Variants in TG observed in about 807,000 individuals in gnomAD.
TG encodes the protein thyroglobulin.
TG carries 270 observed loss-of-function variants against 324.7 expected under a neutral mutation model. The observed-to-expected ratio is 0.83, with a 90% CI of 0.75 to 0.92. The LOEUF (loss-of-function observed/expected upper bound fraction) is 0.92, where lower values mean the gene tolerates loss of function less well. TG is among the 40% of genes least tolerant of loss of function. The pLI, the probability that TG is intolerant of heterozygous loss-of-function variation, is 0.00. For missense variants in TG, 3,591 were observed against 3,456.4 expected (o/e 1.04, Z -0.98); for synonymous variants, 1,401 against 1,327.0 (o/e 1.06, Z -1.21).
intron 34 of TG, among the ~76,000 whole-genome samples, chr8:132,982,749 C>T (rs527541929): frequency 1.8e-4 from 27 of 152,296 alleles, no homozygotes; most frequent in African/African-American, 6.5e-4. Flanking sequence ...TAGTACTAAA[C>T]TCATTGTACA....
At chr8:133,033,224 T>C (rs1017269254) in intron 41 of TG, among the ~76,000 whole-genome samples, 2 of 152,238 alleles carry the variant, frequency 1.3e-5, no homozygotes, top group South Asian at 2.1e-4. Context: ...TCAGGACTTA[T>C]GGTTTGCAAA....
At chr8:133,113,206 A>G (rs1312870784) in intron 43 of TG, among the ~76,000 whole-genome samples, 1 of 152,182 alleles carries the variant, frequency 6.6e-6, no homozygotes, top group African/African-American at 2.4e-5. Flanking sequence ...CAGATGGGGA[A>G]GGCAGGCACA....
chr8:132,926,940 A>G lies in TG; in HGVS notation c.4700-2136A>G, dbSNP rs891316581. On this transcript the variant is annotated intron_variant, in intron 22 of 47. Transcript: ENST00000220616. ...CTGCAGCTTCCTGGCACTCCCTTTGATCTTCTGTTTCCTTTGTTTACTTGC... is the reference window on the plus strand; with the variant it reads ...CTGCAGCTTCCTGGCACTCCCTTTGGTCTTCTGTTTCCTTTGTTTACTTGC... 2.0e-5 allele frequency among the ~76,000 whole-genome samples: 3 copies of G among 151,936 alleles called. No individual in the cohort carries two copies. The East Asian group carries it at 5.8e-4, about 29-fold the overall frequency.
intron 43 of TG, among the ~76,000 whole-genome samples, chr8:133,099,892 C>A (rs1008633359): frequency 1.3e-5 from 2 of 152,180 alleles, no homozygotes; most frequent in African/African-American, 4.8e-5. Flanking sequence ...TAGCCCCCAA[C>A]TCTCTCTCTG....
At position 132,988,102 on chromosome 8, in the gene TG, A is replaced by G. The variant is rs546906343; in HGVS notation, c.6262+4690A>G. On this transcript the variant is annotated intron_variant, in intron 35 of 47. Transcript: ENST00000220616. ...CACACACACACACACACACACACAC[A>G]CGAAATGAAGCTAAGCAATTAGGTC... Among the ~76,000 whole-genome samples, 6 of 149,298 alleles carry G rather than the reference A, an allele frequency of 4.0e-5. No homozygotes were observed. The East Asian group carries it at 1.2e-3, about 30-fold the overall frequency.
intron 3 of TG, among the ~76,000 whole-genome samples, chr8:132,871,038 G>A (rs955952950): frequency 6.6e-6 from 1 of 152,146 alleles, no homozygotes; most frequent in Admixed American, 6.5e-5. Context: ...CAGAGAGCCC[G>A]TGGAGAAAAC....
chr8:132,968,007 C>A, intron 31 of TG, 37 bp downstream of exon 31: 4 of 1,607,050 alleles, frequency 2.5e-6, no homozygotes, highest in Non-Finnish European at 3.4e-6. Flanking sequence ...ACTGTATTTC[C>A]AATGTTCTGC....
chr8:133,093,657 G>A (rs534615243), intron 41 of TG, among the ~76,000 whole-genome samples: 49 of 152,296 alleles, frequency 3.2e-4, no homozygotes, highest in Non-Finnish European at 6.0e-4. Context: ...CTGAGATTCT[G>A]ACTGGCCTTG....
rs1826110694 is a variant in TG, at chr8:132,951,607, C to A, written c.5401+2664C>A. Among the ~76,000 whole-genome samples the A allele has an allele frequency of 2.6e-5, 4 of 152,224 alleles. No individual in the cohort carries two copies. The South Asian group carries it at 8.3e-4, about 32-fold the overall frequency. On this transcript the variant is annotated intron_variant, in intron 27 of 47. Transcript: ENST00000220616. ...AGACTTTTGAAATGTTTGTTTTTTT[C>A]AGTGCCCTATATGTGTGTGTGTATT...
chr8:133,074,573 C>A (rs1423497465), intron 41 of TG, among the ~76,000 whole-genome samples: 1 of 152,218 alleles, frequency 6.6e-6, no homozygotes, highest in African/African-American at 2.4e-5. Context: ...TTGTAAGAAG[C>A]CTGCTAAGTA....
intron 41 of TG, among the ~76,000 whole-genome samples, chr8:133,074,301 T>C (rs1043037956): frequency 6.6e-6 from 1 of 151,864 alleles, no homozygotes; most frequent in Non-Finnish European, 1.5e-5. Flanking sequence ...AGTAGCGCTA[T>C]TGCAATCCCT....
chr8:133,014,536 C>T (rs1834847373), intron 37 of TG, among the ~76,000 whole-genome samples: 2 of 152,338 alleles, frequency 1.3e-5, no homozygotes, highest in South Asian at 2.1e-4. Context: ...GAGCAAGGTT[C>T]TACAACCATT....
At chr8:132,956,203 C>A (rs576674453) in intron 27 of TG, among the ~76,000 whole-genome samples, 1 of 152,250 alleles carries the variant, frequency 6.6e-6, no homozygotes, top group African/African-American at 2.4e-5. Flanking sequence ...CCTTCTGATG[C>A]GTGGGAAGGC....
intron 41 of TG, among the ~76,000 whole-genome samples, chr8:133,034,488 G>A (rs767261571): frequency 5.9e-5 from 9 of 152,130 alleles, no homozygotes; most frequent in Non-Finnish European, 7.3e-5. Flanking sequence ...GTTTTGTCAC[G>A]TCTAATGCTT....
intron 41 of TG, among the ~76,000 whole-genome samples, chr8:133,073,536 A>G (rs1312518424): frequency 2.0e-5 from 3 of 152,094 alleles, no homozygotes; most frequent in Admixed American, 2.0e-4. Flanking sequence ...TAATTTTTGT[A>G]TTAAATAGCA....
chr8:132,957,932 T>C (rs1387925788), intron 27 of TG, among the ~76,000 whole-genome samples: 2 of 152,224 alleles, frequency 1.3e-5, no homozygotes, highest in African/African-American at 4.8e-5. Flanking sequence ...ATTTATCCCT[T>C]GTTCCCGTCT....
At chr8:132,976,724 T>C (rs1333040136) in intron 34 of TG, among the ~76,000 whole-genome samples, 1 of 152,194 alleles carries the variant, frequency 6.6e-6, no homozygotes, top group Non-Finnish European at 1.5e-5. Context: ...ATGGGCATTC[T>C]GGTGTGAGTG....
intron 10 of TG, among the ~76,000 whole-genome samples, chr8:132,889,650 A>G (rs1037613082): frequency 2.6e-5 from 4 of 152,218 alleles, no homozygotes; most frequent in African/African-American, 9.6e-5. Flanking sequence ...ATCATTCTCC[A>G]TACCAGTGGT....
intron 41 of TG, chr8:133,039,966 C>CACAA: frequency 3.9e-6 from 6 of 1,530,058 alleles, no homozygotes; most frequent in Non-Finnish European, 5.3e-6. Flanking sequence ...CACACACACA[C>CACAA]ACACACACAC....
Sources: allele counts gnomAD v4.1 joint callset (sites outside exome capture counted in the v4.1 genomes callset), GRCh38; gene constraint gnomAD v4.1.1; transcripts MANE v1.5; gene names NCBI Gene and HGNC (gene_info 2026-07-23, HGNC 2026-07-21).